GRIK2: variants seen among roughly 807,000 people sequenced by gnomAD.
GRIK2 encodes the protein glutamate ionotropic receptor kainate type subunit 2.
GRIK2 carries 32 observed loss-of-function variants against 100.3 expected under a neutral mutation model. The observed-to-expected ratio is 0.32, with a 90% CI of 0.24 to 0.43. GRIK2 has a LOEUF of 0.43. GRIK2 is among the 20% of genes least tolerant of loss of function. GRIK2 has a pLI of 1.00. For missense variants in GRIK2, 843 were observed against 1,114.9 expected (o/e 0.76, Z 3.47); for synonymous variants, 417 against 389.4 (o/e 1.07, Z -0.83).
intron 2 of GRIK2, among the ~76,000 whole-genome samples, chr6:101,587,416 C>CCATT (rs926083429): frequency 1.3e-5 from 2 of 152,058 alleles, no homozygotes; most frequent in Non-Finnish European, 2.9e-5. Context: ...GTCCATCCAT[C>CCATT]CATTCATCCA....
intron 7 of GRIK2, among the ~76,000 whole-genome samples, chr6:101,717,436 A>C (rs1774150777): frequency 6.6e-6 from 1 of 151,870 alleles, no homozygotes; most frequent in Non-Finnish European, 1.5e-5. Flanking sequence ...TCAAGCCTAA[A>C]CTACTAATTT....
intron 12 of GRIK2, among the ~76,000 whole-genome samples, chr6:101,892,161 C>G (rs902618133): frequency 6.6e-6 from 1 of 152,000 alleles, no homozygotes; most frequent in African/African-American, 2.4e-5. Context: ...GGGCATTAGT[C>G]AAGCTGAATT....
chr6:101,765,551 T>A (rs2128394423), intron 7 of GRIK2, among the ~76,000 whole-genome samples: 1 of 152,280 alleles, frequency 6.6e-6, no homozygotes, highest in East Asian at 1.9e-4. Flanking sequence ...CTTTGGAGAC[T>A]GCATTTATTT....
intron 2 of GRIK2, among the ~76,000 whole-genome samples, chr6:101,585,343 T>C (rs1778309227): frequency 6.6e-6 from 1 of 152,096 alleles, no homozygotes. Context: ...GTATATTCAG[T>C]GTACAAGAAT....
intron 14 of GRIK2, among the ~76,000 whole-genome samples, chr6:101,949,913 G>T (rs1010670995): frequency 1.3e-5 from 2 of 152,102 alleles, no homozygotes; most frequent in Non-Finnish European, 2.9e-5. Flanking sequence ...TCTGGTTCTA[G>T]ATGCTTGAGG....
At chr6:101,456,446 T>G (rs1223067897) in intron 2 of GRIK2, among the ~76,000 whole-genome samples, 2 of 152,002 alleles carry the variant, frequency 1.3e-5, no homozygotes, top group Admixed American at 6.6e-5. Context: ...TGTCCACTAG[T>G]GAGAGTTGTC....
At chr6:101,656,157 G>A (rs1782054230) in intron 4 of GRIK2, among the ~76,000 whole-genome samples, 1 of 151,960 alleles carries the variant, frequency 6.6e-6, no homozygotes, top group African/African-American at 2.4e-5. Context: ...ATGAAAATTA[G>A]CTGGGTGTGG....
At chr6:101,878,938 C>T (rs569417189) in intron 11 of GRIK2, among the ~76,000 whole-genome samples, 1 of 152,082 alleles carries the variant, frequency 6.6e-6, no homozygotes, top group South Asian at 2.1e-4. Context: ...TAGTTTATAC[C>T]TACAGAGATT....
chr6:101,438,852 T>C (rs1030918720), intron 2 of GRIK2, among the ~76,000 whole-genome samples: 1 of 152,134 alleles, frequency 6.6e-6, no homozygotes, highest in African/African-American at 2.4e-5. Context: ...TTAGATTGCC[T>C]AGAAAGGACA....
chr6:101,997,400 A>G (rs1204417138), intron 14 of GRIK2, among the ~76,000 whole-genome samples: 1 of 152,086 alleles, frequency 6.6e-6, no homozygotes, highest in East Asian at 1.9e-4. Context: ...ATATGCTGGT[A>G]CTTTTAATAT....
chr6:101,619,407 T>C (rs1780040298), intron 2 of GRIK2, among the ~76,000 whole-genome samples: 1 of 151,898 alleles, frequency 6.6e-6, no homozygotes, highest in African/African-American at 2.4e-5. Context: ...GATAAATATG[T>C]AAACTTAAAG....
At chr6:101,806,386 C>T (rs183207369) in intron 9 of GRIK2, among the ~76,000 whole-genome samples, 8 of 152,044 alleles carry the variant, frequency 5.3e-5, no homozygotes, top group Non-Finnish European at 1.2e-4. Flanking sequence ...ACCATAGTAC[C>T]TTTCAACTGT....
intron 11 of GRIK2, among the ~76,000 whole-genome samples, chr6:101,874,050 T>C (rs1220201015): frequency 6.6e-6 from 1 of 152,202 alleles, no homozygotes; most frequent in African/African-American, 2.4e-5. Flanking sequence ...GAAGGTTGCC[T>C]GTTCACTCTG....
intron 6 of GRIK2, among the ~76,000 whole-genome samples, chr6:101,685,125 G>T (rs1452303089): frequency 6.6e-6 from 1 of 152,120 alleles, no homozygotes; most frequent in Non-Finnish European, 1.5e-5. Context: ...AACTTGTCTT[G>T]CTTCTGACTT....
intron 12 of GRIK2, among the ~76,000 whole-genome samples, chr6:101,921,950 A>T (rs1582540131): frequency 6.6e-6 from 1 of 152,022 alleles, no homozygotes; most frequent in East Asian, 1.9e-4. Flanking sequence ...TAAAACATGT[A>T]CATTATTTTA....
intron 2 of GRIK2, among the ~76,000 whole-genome samples, chr6:101,494,687 T>C (rs1221543823): frequency 6.6e-6 from 1 of 151,520 alleles, no homozygotes; most frequent in Non-Finnish European, 1.5e-5. Flanking sequence ...TCCCAGCACT[T>C]TGGGAGGCCA....
At chr6:102,065,267 A>G (rs1465692926) in intron 16 of GRIK2, among the ~76,000 whole-genome samples, 1 of 151,330 alleles carries the variant, frequency 6.6e-6, no homozygotes, top group Non-Finnish European at 1.5e-5. Flanking sequence ...ATTTCAAATT[A>G]TAAAAGATAA....
intron 9 of GRIK2, among the ~76,000 whole-genome samples, chr6:101,806,304 A>G (rs1781001062): frequency 6.6e-6 from 1 of 152,106 alleles, no homozygotes. Flanking sequence ...TTCAAGGATC[A>G]TATAGTGTAT....
chr6:101,532,688 TAC>T (rs1269243337), intron 2 of GRIK2, among the ~76,000 whole-genome samples: 1 of 151,474 alleles, frequency 6.6e-6, no homozygotes, highest in East Asian at 1.9e-4. Context: ...ATGGAATACA[TAC>T]ACACACACAT....
Sources: gnomAD v4.1 joint callset for allele counts (sites outside exome capture counted in the v4.1 genomes callset) on GRCh38, gnomAD v4.1.1 for gene constraint, MANE v1.5 for transcripts, NCBI Gene and HGNC (gene_info 2026-07-23, HGNC 2026-07-21) for gene names.